DENND1A: variants seen among roughly 807,000 people sequenced by gnomAD.
DENND1A encodes the protein DENN domain-containing protein 1A.
Under a neutral mutation model 113.7 loss-of-function variants are expected in DENND1A, and 51 were observed. The ratio of observed to expected loss-of-function variants is 0.45; its 90% CI spans 0.36 to 0.57. The LOEUF (loss-of-function observed/expected upper bound fraction) is 0.57. Ranked by LOEUF, DENND1A falls within the 20% of genes least tolerant of loss-of-function variation. DENND1A has a pLI of 0.00. For missense variants in DENND1A, 1,258 were observed against 1,395.9 expected, an observed-to-expected ratio of 0.90 and a Z score of 1.57; for synonymous variants, 565 against 570.8, an observed-to-expected ratio of 0.99 and a Z score of 0.14.
intron 12 of DENND1A, among the ~76,000 whole-genome samples, chr9:123,580,899 A>G (rs1041457364): frequency 6.6e-6 from 1 of 152,180 alleles, no homozygotes. Context: ...GAAGCAGCAC[A>G]GACTGGGGGT....
At chr9:123,594,880 T>C (rs926021217) in intron 11 of DENND1A, among the ~76,000 whole-genome samples, 3 of 151,852 alleles carry the variant, frequency 2.0e-5, no homozygotes, top group Non-Finnish European at 2.9e-5. Context: ...GAAAGAGAAA[T>C]AAGAGGGAAA....
At chr9:123,811,672 C>T (rs906955443) in intron 2 of DENND1A, among the ~76,000 whole-genome samples, 10 of 152,182 alleles carry the variant, frequency 6.6e-5, no homozygotes, top group East Asian at 1.9e-4. Context: ...GGCAGGAGAA[C>T]GGCGTGAACC....
chr9:123,743,428 AAAT>A (rs897975711), intron 5 of DENND1A, among the ~76,000 whole-genome samples: 3 of 147,558 alleles, frequency 2.0e-5, no homozygotes, highest in African/African-American at 7.6e-5. Flanking sequence ...ATAAATAAAT[AAAT>A]AATAAAAATA....
chr9:123,689,402 T>C (rs1011666482), intron 5 of DENND1A, among the ~76,000 whole-genome samples: 2 of 152,202 alleles, frequency 1.3e-5, no homozygotes, highest in African/African-American at 2.4e-5. Context: ...CTACAAAAAG[T>C]AGAAAATTAA....
rs1465955382 is a variant in DENND1A, at chr9:123,609,499, GAC to G, written c.720-20_720-19del. 1 of 1,611,376 alleles carries G rather than the reference GAC, an allele frequency of 6.2e-7. No individual in the cohort carries two copies. The highest frequency in any genetic ancestry group is 1.3e-5 in the African/African-American group (1 of 74,854). Reference sequence around the variant, plus strand: ...TGGGAGCACTGTGAAGAGAAACAGAGACACACAGCTGCTTTAATGTCTGTTGC... The same window carrying G: ...TGGGAGCACTGTGAAGAGAAACAGAGACACAGCTGCTTTAATGTCTGTTGC... On this transcript the variant is annotated intron_variant, in intron 10 of 23. Transcript: ENST00000394215.
intron 2 of DENND1A, among the ~76,000 whole-genome samples, chr9:123,845,670 CAAAAAAAA>C (rs555731367): frequency 0.012 from 532 of 44,126 alleles, 11 homozygotes; most frequent in African/African-American, 0.037. Flanking sequence ...AACCTGTCTC[CAAAAAAAA>C]AAAAAAAAAA....
At position 123,381,333 on chromosome 9, in the gene DENND1A, G is replaced by A. The variant is rs1034434557; in HGVS notation, c.*99C>T. On this transcript the variant is annotated 3_prime_UTR_variant, in exon 24 of 24. Coordinates refer to ENST00000394215, the MANE Select transcript of DENND1A (RefSeq NM_001352964.2). The surrounding 1 kb of genome is among the most constrained non-coding windows in gnomAD (Gnocchi z 4.7). ...AGAGGGGTCCCATCCCTTCCCACCA[G>A]CAGAACCTGGGCAGAGAGAGAGTGG... is the stretch of plus-strand genomic sequence containing the variant. 1.6e-6 allele frequency: 2 copies of A among 1,236,338 alleles called. No individual in the cohort carries two copies. The highest frequency in any genetic ancestry group is 2.3e-6 in the Non-Finnish European group (2 of 874,892). The allele number at this position is 1,236,338 out of a possible 1,614,324, so 76.6% of individuals were successfully genotyped here.
chr9:123,870,978 G>A (rs941908161), intron 2 of DENND1A, among the ~76,000 whole-genome samples: 4 of 151,932 alleles, frequency 2.6e-5, no homozygotes, highest in Non-Finnish European at 5.9e-5. Context: ...AAAATAAGAT[G>A]AATTTAATTA....
intron 1 of DENND1A, among the ~76,000 whole-genome samples, chr9:123,915,785 T>C (rs1250361376): frequency 6.6e-6 from 1 of 152,154 alleles, no homozygotes; most frequent in African/African-American, 2.4e-5. Context: ...GGGTAGAGGA[T>C]TGTTGCTTAT....
At chr9:123,695,763 G>A (rs371922071) in intron 5 of DENND1A, among the ~76,000 whole-genome samples, 1 of 152,118 alleles carries the variant, frequency 6.6e-6, no homozygotes, top group Non-Finnish European at 1.5e-5. Context: ...GCACACACCC[G>A]TGGCAGACTA....
chr9:123,630,534 T>C, intron 9 of DENND1A, 58 bp from the exon 10 acceptor site: 1 of 1,194,366 alleles, frequency 8.4e-7, no homozygotes, highest in Non-Finnish European at 1.1e-6. Flanking sequence ...ACACCGCCAT[T>C]TGATTTCAGC....
chr9:123,896,338 A>C (rs1298090038), intron 1 of DENND1A, among the ~76,000 whole-genome samples: 8 of 151,956 alleles, frequency 5.3e-5, no homozygotes, highest in African/African-American at 9.7e-5. Flanking sequence ...AACAAAAAAA[A>C]AAAACCCTCA....
intron 13 of DENND1A, among the ~76,000 whole-genome samples, chr9:123,554,775 A>G (rs529446399): frequency 6.6e-6 from 1 of 152,318 alleles, no homozygotes. Context: ...TTCGATTATA[A>G]TTGGCACCAC....
chr9:123,469,187 G>A (rs556040165), intron 13 of DENND1A, among the ~76,000 whole-genome samples: 32 of 152,328 alleles, frequency 2.1e-4, no homozygotes, highest in Admixed American at 7.8e-4. Flanking sequence ...CCATTTGCAC[G>A]GTGGCCGAGG....
intron 21 of DENND1A, among the ~76,000 whole-genome samples, chr9:123,393,425 G>A (rs1232936413): frequency 6.6e-6 from 1 of 152,096 alleles, no homozygotes; most frequent in East Asian, 1.9e-4. Flanking sequence ...AGATTCCACA[G>A]CAAAGGAATC....
At chr9:123,872,044 G>A (rs529537850) in intron 2 of DENND1A, among the ~76,000 whole-genome samples, 5 of 152,164 alleles carry the variant, frequency 3.3e-5, no homozygotes, top group East Asian at 1.9e-4. Flanking sequence ...ACCTTTGGTC[G>A]CACAGACTGA....
chr9:123,509,775 A>C (rs1407288504), intron 13 of DENND1A, among the ~76,000 whole-genome samples: 1 of 152,132 alleles, frequency 6.6e-6, no homozygotes, highest in Non-Finnish European at 1.5e-5. Flanking sequence ...ATGTTTCTCA[A>C]ACTCCACACT....
chr9:123,567,102 C>T (rs1293870623), intron 12 of DENND1A, among the ~76,000 whole-genome samples: 2 of 152,176 alleles, frequency 1.3e-5, no homozygotes, highest in African/African-American at 4.8e-5. Flanking sequence ...CATACACATA[C>T]ACACACATAT....
At chr9:123,630,527 C>A in intron 9 of DENND1A, 51 bp from the exon 10 acceptor site, 1 of 1,266,906 alleles carries the variant, frequency 7.9e-7, no homozygotes, top group East Asian at 2.7e-5. Context: ...GGAGGAGACA[C>A]CGCCATTTGA....
Sources: allele counts gnomAD v4.1 joint callset (sites outside exome capture counted in the v4.1 genomes callset), GRCh38; gene constraint gnomAD v4.1.1; non-coding constraint Gnocchi (gnomAD v3.1); transcripts MANE v1.5; gene names NCBI Gene and HGNC (gene_info 2026-07-23, HGNC 2026-07-21).